TMEM144: variants seen among roughly 807,000 people sequenced by gnomAD.
TMEM144 encodes transmembrane protein 144.
In TMEM144, 39 loss-of-function variants were observed where a neutral mutation model predicts 43.6. That is an observed-to-expected ratio of 0.90 (90% CI 0.69 to 1.17). The LOEUF is 1.17. Ranked by LOEUF, TMEM144 falls within the 50% of genes most tolerant of loss-of-function variation. TMEM144 has a pLI of 0.00. For synonymous variants in TMEM144, 154 were observed against 133.6 expected (o/e 1.15, Z -1.06); for missense variants, 417 against 411.9 (o/e 1.01, Z -0.11).
In TMEM144 at chr4:158,247,631, A is replaced by G. The variant is rs1299933963; in HGVS notation, c.954+3282A>G. Among the ~76,000 whole-genome samples the G allele has an allele frequency of 3.3e-5, 5 of 152,280 alleles. No homozygotes were observed. In the South Asian group the frequency reaches 1.0e-3, roughly 32 times the overall value. On this transcript the variant is annotated intron_variant, in intron 12 of 12. Coordinates refer to ENST00000296529, the MANE Select transcript of TMEM144 (RefSeq NM_018342.5). Reference sequence around the variant, plus strand: ...AGTTAAAACGAGGAAAATAAATGCTATTAATAATAACCACAAAAATTACAT... The same window carrying G: ...AGTTAAAACGAGGAAAATAAATGCTGTTAATAATAACCACAAAAATTACAT...
chr4:158,223,324 A>G (rs1328494121), intron 6 of TMEM144, among the ~76,000 whole-genome samples: 8 of 152,112 alleles, frequency 5.3e-5, no homozygotes, highest in Admixed American at 5.2e-4. Flanking sequence ...GTATATCCCC[A>G]TTTTTTAGTT....
At chr4:158,243,727 G>A (rs970417475) in intron 11 of TMEM144, among the ~76,000 whole-genome samples, 3 of 151,732 alleles carry the variant, frequency 2.0e-5, no homozygotes, top group Admixed American at 6.6e-5. Context: ...TTCCTTACAC[G>A]TTTATTTTAA....
At chr4:158,229,079 T>A (rs1178112481) in intron 6 of TMEM144, among the ~76,000 whole-genome samples, 4 of 152,184 alleles carry the variant, frequency 2.6e-5, no homozygotes, top group South Asian at 2.1e-4. Flanking sequence ...TTGGTCGATC[T>A]TTAACTACCA....
intron 6 of TMEM144, among the ~76,000 whole-genome samples, chr4:158,224,610 T>C (rs1421175264): frequency 6.6e-6 from 1 of 152,200 alleles, no homozygotes; most frequent in Non-Finnish European, 1.5e-5. Flanking sequence ...TAGCAACCTT[T>C]CATCCTACCT....
intron 4 of TMEM144, among the ~76,000 whole-genome samples, chr4:158,216,344 C>G (rs1435100335): frequency 1.3e-5 from 2 of 151,996 alleles, no homozygotes; most frequent in Admixed American, 1.3e-4. Context: ...TGGGAGGAGC[C>G]AATGATAATG....
In TMEM144 at chr4:158,210,524, C is replaced by G. The variant is rs78910344; in HGVS notation, c.-245C>G. ...GTCAGGCTCCGGCTCCACACTGGCA[C>G]GTAGTGGGCGGATCGCGCCGGCGCT... On this transcript the variant is annotated 5_prime_UTR_variant, in exon 1 of 13. Transcript: ENST00000296529. 1 of 152,300 alleles carries G rather than the reference C, an allele frequency of 6.6e-6. No individual in the cohort carries two copies. The highest frequency in any genetic ancestry group is 2.4e-5 in the African/African-American group (1 of 41,454). The allele number at this position is 152,300 out of a possible 1,614,324, so 9.4% of individuals were successfully genotyped here.
At chr4:158,223,324 A>AT (rs1734596306) in intron 6 of TMEM144, among the ~76,000 whole-genome samples, 1 of 152,112 alleles carries the variant, frequency 6.6e-6, no homozygotes, top group Admixed American at 6.6e-5. Flanking sequence ...GTATATCCCC[A>AT]TTTTTTAGTT....
At chr4:158,232,517 A>G (rs1735132008) in intron 6 of TMEM144, among the ~76,000 whole-genome samples, 1 of 152,244 alleles carries the variant, frequency 6.6e-6, no homozygotes, top group African/African-American at 2.4e-5. Context: ...GCAGTATCTG[A>G]GAGTATCTGT....
Position 158,233,136 on chromosome 4 carries a change from T to C in TMEM144, c.495+154T>C, listed in dbSNP as rs1010468119. 1.3e-5 allele frequency: 7 copies of C among 541,312 alleles called. No individual in the cohort carries two copies. The African/African-American group carries it at 1.3e-4, about 10-fold the overall frequency. 33.5% of individuals were successfully genotyped at this position (541,312 alleles called of 1,614,324 possible). Reference sequence around the variant, plus strand: ...CTTATTTATTATGGGTAGGTCTATGTAGCAATCAATCAATATTTCCGCAGT... The same window carrying C: ...CTTATTTATTATGGGTAGGTCTATGCAGCAATCAATCAATATTTCCGCAGT... On this transcript the variant is annotated intron_variant, in intron 7 of 12. Transcript: ENST00000296529.
At chr4:158,218,279 T>C in intron 5 of TMEM144, among the ~76,000 whole-genome samples, 1 of 152,300 alleles carries the variant, frequency 6.6e-6, no homozygotes, top group East Asian at 1.9e-4. Context: ...AGTCCCATCA[T>C]TACACAAAGT....
intron 5 of TMEM144, among the ~76,000 whole-genome samples, 192 bp downstream of exon 5, chr4:158,217,612 T>G (rs547878769): frequency 6.6e-6 from 1 of 152,306 alleles, no homozygotes; most frequent in East Asian, 1.9e-4. Flanking sequence ...AGATATTTGA[T>G]CAAGATATAG....
At chr4:158,221,291 C>T (rs368138625) in intron 6 of TMEM144, among the ~76,000 whole-genome samples, 86 of 152,314 alleles carry the variant, frequency 5.6e-4, no homozygotes, top group African/African-American at 1.9e-3. Flanking sequence ...CCACACAATA[C>T]TGCTGAATTG....
Position 158,223,432 on chromosome 4 carries a change from T to G in TMEM144, c.413+4042T>G, listed in dbSNP as rs76917339. 3.5e-3 allele frequency among the ~76,000 whole-genome samples: 539 copies of G among 152,286 alleles called. 1 individual carries two copies. Among genetic ancestry groups the G allele is most frequent in the African/African-American group, 0.012 (517 of 41,566 alleles). On this transcript the variant is annotated intron_variant, in intron 6 of 12. Transcript: ENST00000296529. The stretch of plus-strand genomic sequence containing the variant: ...CTTATCTATAGTGTCCTTTTATTTA[T>G]TTATTCATTTATTTTTTTTACTTTA...
In TMEM144 at chr4:158,239,710, A is replaced by T. The variant is rs148808272; in HGVS notation, c.683-589A>T. Reference sequence around the variant, plus strand: ...TTTTTAAAAGGGAGGTATTAACATCATAGTTACATAATTCATTGTTTCTTA... The same window carrying T: ...TTTTTAAAAGGGAGGTATTAACATCTTAGTTACATAATTCATTGTTTCTTA... On this transcript the variant is annotated intron_variant, in intron 9 of 12. Coordinates refer to ENST00000296529, the MANE Select transcript of TMEM144 (RefSeq NM_018342.5). Among the ~76,000 whole-genome samples, 370 of 152,320 alleles carry T rather than the reference A, an allele frequency of 2.4e-3. 1 individual carries two copies. Among genetic ancestry groups the T allele is most frequent in the African/African-American group, 8.4e-3 (348 of 41,574 alleles).
At chr4:158,239,823 A>G (rs1735535124) in intron 9 of TMEM144, among the ~76,000 whole-genome samples, 1 of 152,048 alleles carries the variant, frequency 6.6e-6, no homozygotes, top group Non-Finnish European at 1.5e-5. Flanking sequence ...GATTTTAAAT[A>G]TATTAATTAA....
chr4:158,246,471 T>C (rs1206736036), intron 12 of TMEM144, among the ~76,000 whole-genome samples: 2 of 152,216 alleles, frequency 1.3e-5, no homozygotes, highest in African/African-American at 4.8e-5. Flanking sequence ...ATCCATTATT[T>C]GATAATACAA....
At chr4:158,217,518 C>A in intron 5 of TMEM144, 98 bp downstream of exon 5, 1 of 875,002 alleles carries the variant, frequency 1.1e-6, no homozygotes, top group Non-Finnish European at 1.8e-6. Context: ...TTCTTATTCT[C>A]ACAGAGTTTA....
intron 7 of TMEM144, 112 bp from the exon 8 acceptor site, chr4:158,235,326 T>C: frequency 9.2e-7 from 1 of 1,082,782 alleles, no homozygotes; most frequent in South Asian, 1.7e-5. Context: ...ACATGTTTAT[T>C]ATATTTTAAA....
intron 4 of TMEM144, among the ~76,000 whole-genome samples, chr4:158,217,072 T>G (rs893230426): frequency 1.3e-5 from 2 of 152,156 alleles, no homozygotes; most frequent in Non-Finnish European, 2.9e-5. Flanking sequence ...GAGAGAAACC[T>G]CTGTACAATT....
Sources: allele counts gnomAD v4.1 joint callset (sites outside exome capture counted in the v4.1 genomes callset), GRCh38; gene constraint gnomAD v4.1.1; transcripts MANE v1.5; gene names NCBI Gene and HGNC (gene_info 2026-07-23, HGNC 2026-07-21).